The following ATP10A variants were observed in gnomAD, a reference collection of about 807,000 sequenced individuals.
ATP10A encodes the protein phospholipid-transporting ATPase VA.
In ATP10A, 111 loss-of-function variants were observed where a neutral mutation model predicts 147.8. That is an observed-to-expected ratio of 0.75 (90% CI 0.64 to 0.88). The LOEUF is 0.88. ATP10A is among the 40% of genes least tolerant of loss of function. ATP10A has a pLI of 0.00. For missense variants in ATP10A, 1,927 were observed against 1,959.0 expected (o/e 0.98, Z 0.31); for synonymous variants, 875 against 841.6 (o/e 1.04, Z -0.69).
At chr15:25,783,855 A>T (rs1023337217) in intron 1 of ATP10A, among the ~76,000 whole-genome samples, 3 of 152,172 alleles carry the variant, frequency 2.0e-5, no homozygotes, top group Non-Finnish European at 4.4e-5. Context: ...TGGTCCCAGC[A>T]TGGTCAGTCC....
chr15:25,850,642 TCCCC>T (rs60357196), intron 1 of ATP10A, among the ~76,000 whole-genome samples: 2 of 40,480 alleles, frequency 4.9e-5, no homozygotes, highest in African/African-American at 1.8e-4. Context: ...CCTCCCTCCC[TCCCC>T]CCCCAGCCCC....
In ATP10A at chr15:25,721,687, A is replaced by G. The variant is rs1902240250; in HGVS notation, c.1333T>C (p.Ser445Pro). Residue 445 changes from serine (S) to proline (P), a missense_variant, in exon 7 of 21, where the codon TCT becomes CCT. Coordinates refer to ENST00000555815, the MANE Select transcript of ATP10A (RefSeq NM_024490.4). The part of the protein sequence containing the change: ...NKMVFRRCTV[S>P]GVEYSHDANA... ...GCATCATGAGAATATTCTACACCAGACACAGTGCATCTTCGGAAAACCATC... is the reference window on the plus strand; with the variant it reads ...GCATCATGAGAATATTCTACACCAGGCACAGTGCATCTTCGGAAAACCATC... 1 of 1,614,096 alleles carries G rather than the reference A, an allele frequency of 6.2e-7. No individual in the cohort carries two copies. The highest frequency in any genetic ancestry group is 8.5e-7 in the Non-Finnish European group (1 of 1,180,020).
intron 13 of ATP10A, among the ~76,000 whole-genome samples, chr15:25,701,510 C>T (rs1320444532): frequency 2.0e-5 from 3 of 152,296 alleles, no homozygotes; most frequent in African/African-American, 7.2e-5. Flanking sequence ...AGTAGCTACT[C>T]GCCACAGACT....
At chr15:25,779,962 G>T (rs985159720) in intron 2 of ATP10A, among the ~76,000 whole-genome samples, 1 of 152,134 alleles carries the variant, frequency 6.6e-6, no homozygotes, top group East Asian at 1.9e-4. Context: ...CAGGCCGGGC[G>T]GGCGAGGTGC....
At chr15:25,764,673 C>T (rs1405569543) in intron 2 of ATP10A, among the ~76,000 whole-genome samples, 1 of 152,210 alleles carries the variant, frequency 6.6e-6, no homozygotes, top group Admixed American at 6.5e-5. Flanking sequence ...TTATACGTGA[C>T]CCAGTCTGTG....
At chr15:25,703,744 G>C (rs1375653555) in intron 12 of ATP10A, among the ~76,000 whole-genome samples, 1 of 152,180 alleles carries the variant, frequency 6.6e-6, no homozygotes, top group African/African-American at 2.4e-5. Flanking sequence ...CTGAACTTAG[G>C]GGGCAGAACA....
chr15:25,718,080 G>C (rs1901932627), intron 8 of ATP10A, 102 bp downstream of exon 8: 5 of 1,255,670 alleles, frequency 4.0e-6, no homozygotes, highest in East Asian at 5.0e-5. Context: ...CCCAGCGACA[G>C]TGTATTTGTA....
chr15:25,728,655 G>T (rs985285463), intron 3 of ATP10A, among the ~76,000 whole-genome samples: 1 of 152,168 alleles, frequency 6.6e-6, no homozygotes, highest in African/African-American at 2.4e-5. Flanking sequence ...ATAACAAATC[G>T]TCTCCGAGTT....
At chr15:25,771,792 C>G (rs1889351582) in intron 2 of ATP10A, among the ~76,000 whole-genome samples, 1 of 151,920 alleles carries the variant, frequency 6.6e-6, no homozygotes, top group South Asian at 2.1e-4. Context: ...CTCTGTTACC[C>G]AGGCTGGAGT....
chr15:25,681,346 C>G (rs578058946), intron 17 of ATP10A, among the ~76,000 whole-genome samples: 3 of 152,240 alleles, frequency 2.0e-5, no homozygotes, highest in African/African-American at 7.2e-5. Flanking sequence ...CCATCTTTGT[C>G]GTTTATCCTT....
At chr15:25,772,094 G>A (rs1482265579) in intron 2 of ATP10A, among the ~76,000 whole-genome samples, 1 of 151,972 alleles carries the variant, frequency 6.6e-6, no homozygotes. Context: ...CTATTTTACC[G>A]GGACACATCC....
intron 13 of ATP10A, among the ~76,000 whole-genome samples, chr15:25,701,424 G>A (rs1220315168): frequency 6.6e-6 from 1 of 152,178 alleles, no homozygotes; most frequent in African/African-American, 2.4e-5. Context: ...CATTCAAGAA[G>A]CCTGAAAGCC....
intron 2 of ATP10A, among the ~76,000 whole-genome samples, chr15:25,749,016 T>C (rs1262377532): frequency 7.9e-6 from 1 of 127,336 alleles, no homozygotes; most frequent in Non-Finnish European, 1.5e-5. Context: ...TGAGCCAAGA[T>C]AGCACCACTG....
chr15:25,724,148 T>C, intron 5 of ATP10A, 127 bp from the exon 6 acceptor site: 1 of 1,065,624 alleles, frequency 9.4e-7, no homozygotes, highest in Middle Eastern at 3.1e-4. Context: ...CTTACTCAGC[T>C]TTGCCATGTC....
At chr15:25,861,561 T>C (rs1428441522) in intron 1 of ATP10A, among the ~76,000 whole-genome samples, 4 of 152,172 alleles carry the variant, frequency 2.6e-5, no homozygotes. Flanking sequence ...CGTGAATGCC[T>C]ACGTTTAAGA....
rs73372839 is a variant in ATP10A at position 25,833,566 on chromosome 15, G to A, written c.449+29082C>T. Among the ~76,000 whole-genome samples, 500 of 152,164 alleles carry A rather than the reference G, an allele frequency of 3.3e-3. 4 individuals carry two copies. The highest frequency in any genetic ancestry group is 0.012 in the African/African-American group (489 of 41,512). The stretch of plus-strand genomic sequence containing the variant: ...AAATTATTACAAAATGGATCACAGT[G>A]GAATGGCTAAATCAAGCTAATTAAC... On this transcript the variant is annotated intron_variant, in intron 1 of 20. Transcript: ENST00000555815.
intron 1 of ATP10A, among the ~76,000 whole-genome samples, chr15:25,833,448 T>C (rs538242304): frequency 1.3e-5 from 2 of 152,262 alleles, no homozygotes; most frequent in East Asian, 3.9e-4. Flanking sequence ...CTGCTCACCA[T>C]GAATTTCTTG....
intron 2 of ATP10A, among the ~76,000 whole-genome samples, chr15:25,773,792 TCACA>T (rs1596859823): frequency 6.7e-6 from 1 of 149,394 alleles, no homozygotes; most frequent in East Asian, 2.0e-4. Context: ...GCATACACAC[TCACA>T]CAAACATACA....
In ATP10A at chr15:25,726,002, C is replaced by G; in HGVS notation, c.928G>C (p.Val310Leu). The G allele has an allele frequency of 3.1e-6, 5 of 1,614,132 alleles. No individual in the cohort carries two copies. Among genetic ancestry groups the G allele is most frequent in the Non-Finnish European group, 4.2e-6 (5 of 1,179,994 alleles). The change falls in exon 5 of 21, where the codon GTG (valine) becomes CTG (leucine). Residue 310 changes from valine (V) to leucine (L), a missense_variant. Physicochemically the swap from Val to Leu is conservative, Grantham distance 32. Coordinates refer to ENST00000555815, the MANE Select transcript of ATP10A (RefSeq NM_024490.4). ...SKLERQMNCDVLWCVLLLVCM... is the reference protein window; with the variant it reads ...SKLERQMNCDLLWCVLLLVCM... ...ACAAGGAGCAGGACACACCAGAGCA[C>G]GTCGCAGTTCATCTGCCTCTCCAGC... is the stretch of plus-strand genomic sequence containing the variant.
Sources: gnomAD v4.1 joint callset for allele counts (sites outside exome capture counted in the v4.1 genomes callset) on GRCh38, gnomAD v4.1.1 for gene constraint, MANE v1.5 for transcripts, NCBI Gene and HGNC (gene_info 2026-07-23, HGNC 2026-07-21) for gene names.